Variants in FRMD4A observed in about 807,000 individuals in gnomAD.
The protein encoded by FRMD4A is FERM domain-containing protein 4A.
FRMD4A carries 29 observed loss-of-function variants against 129.1 expected under a neutral mutation model. The observed-to-expected ratio is 0.22, with a 90% CI of 0.17 to 0.31. FRMD4A has a LOEUF of 0.31. Among genes scored for constraint, FRMD4A ranks in the 10% least tolerant of loss-of-function variants. The probability of loss-of-function intolerance (pLI) is 1.00; values close to 1 mark genes in which losing one functional copy is unlikely to be tolerated. For synonymous variants in FRMD4A, 634 were observed against 571.6 expected, an observed-to-expected ratio of 1.11 and a Z score of -1.56; for missense variants, 1,272 against 1,375.8, an observed-to-expected ratio of 0.92 and a Z score of 1.19.
Position 13,835,419 on chromosome 10 carries a change from C to T in FRMD4A, c.111+23428G>A, listed in dbSNP as rs79900832. On this transcript the variant is annotated intron_variant, in intron 3 of 24. Transcript: ENST00000357447. ...TATATATTATTACTGGAATCTACAA[C>T]CCCCAGGGCCACGGACCAGTACAGG... Among the ~76,000 whole-genome samples, 520 of 152,254 alleles carry T rather than the reference C, an allele frequency of 3.4e-3. 4 individuals are homozygous for T. Among genetic ancestry groups the T allele is most frequent in the African/African-American group, 0.012 (491 of 41,532 alleles).
chr10:13,671,690 C>T (rs1483905091), intron 16 of FRMD4A, among the ~76,000 whole-genome samples: 2 of 152,158 alleles, frequency 1.3e-5, no homozygotes, highest in African/African-American at 4.8e-5. Flanking sequence ...TGTATCAGGG[C>T]TGAACAATGA....
At chr10:13,819,771 G>C (rs1417605121) in intron 3 of FRMD4A, among the ~76,000 whole-genome samples, 1 of 150,994 alleles carries the variant, frequency 6.6e-6, no homozygotes, top group Non-Finnish European at 1.5e-5. Context: ...TCTCAGGCTG[G>C]AGTGCAGTGG....
At chr10:14,181,472 G>A (rs892956238) in intron 2 of FRMD4A, among the ~76,000 whole-genome samples, 3 of 152,116 alleles carry the variant, frequency 2.0e-5, no homozygotes, top group African/African-American at 7.2e-5. Context: ...TCTTCCCGTC[G>A]TCACAGAGGG....
intron 2 of FRMD4A, among the ~76,000 whole-genome samples, chr10:14,182,644 C>G (rs1841951110): frequency 6.6e-6 from 1 of 152,102 alleles, no homozygotes; most frequent in Non-Finnish European, 1.5e-5. Context: ...CTCATGAACT[C>G]CTTGGTACAG....
At chr10:14,234,469 A>G (rs997381675) in intron 2 of FRMD4A, among the ~76,000 whole-genome samples, 2 of 152,292 alleles carry the variant, frequency 1.3e-5, no homozygotes, top group Non-Finnish European at 2.9e-5. Context: ...ATTAGGCACG[A>G]GGGAATTCTT....
intron 2 of FRMD4A, among the ~76,000 whole-genome samples, chr10:14,109,543 G>A (rs939020001): frequency 6.6e-6 from 1 of 152,208 alleles, no homozygotes; most frequent in Non-Finnish European, 1.5e-5. Context: ...ATATTCTCCT[G>A]CCGCAGAACA....
intron 3 of FRMD4A, among the ~76,000 whole-genome samples, chr10:13,823,876 A>G (rs2093663235): frequency 6.6e-6 from 1 of 152,184 alleles, no homozygotes; most frequent in Non-Finnish European, 1.5e-5. Flanking sequence ...CTGTCAACCA[A>G]GAACACAGGG....
intron 3 of FRMD4A, among the ~76,000 whole-genome samples, chr10:13,844,393 T>C (rs762500720): frequency 1.3e-5 from 2 of 152,182 alleles, no homozygotes; most frequent in Non-Finnish European, 2.9e-5. Flanking sequence ...TTTGGAGGAT[T>C]ATTACAGTTC....
chr10:13,722,827 C>T (rs2089550874), intron 12 of FRMD4A, among the ~76,000 whole-genome samples: 1 of 152,200 alleles, frequency 6.6e-6, no homozygotes, highest in Non-Finnish European at 1.5e-5. Context: ...GATCTCCATG[C>T]TGGTTAGCTA....
chr10:13,737,704 GA>G, intron 12 of FRMD4A, 139 bp downstream of exon 12: 1 of 593,678 alleles, frequency 1.7e-6, no homozygotes, highest in Non-Finnish European at 3.0e-6. Context: ...GATTGCTGTG[GA>G]GTAATTTGTA....
At chr10:13,806,309 A>G (rs1369789430) in intron 4 of FRMD4A, among the ~76,000 whole-genome samples, 1 of 152,238 alleles carries the variant, frequency 6.6e-6, no homozygotes, top group African/African-American at 2.4e-5. Flanking sequence ...GAAAAAAATG[A>G]AATTTGAGTC....
At chr10:13,686,243 G>C (rs1234847954) in intron 15 of FRMD4A, among the ~76,000 whole-genome samples, 3 of 152,256 alleles carry the variant, frequency 2.0e-5, no homozygotes, top group African/African-American at 7.2e-5. Flanking sequence ...CAGGAACAGA[G>C]ATACAGGGAG....
chr10:14,097,059 C>T (rs936603511), intron 2 of FRMD4A: 1 of 143,440 alleles, frequency 7.0e-6, no homozygotes, highest in African/African-American at 2.6e-5. Flanking sequence ...CGCTTGAACC[C>T]GGGAAGCAGA....
intron 15 of FRMD4A, among the ~76,000 whole-genome samples, chr10:13,681,054 A>G (rs2084535351): frequency 6.6e-6 from 1 of 152,172 alleles, no homozygotes; most frequent in Admixed American, 6.5e-5. Context: ...AGATTCCTCA[A>G]ACTGAATTCA....
chr10:14,190,493 G>C lies in FRMD4A; in HGVS notation c.45+139565C>G, dbSNP rs140729379. Among the ~76,000 whole-genome samples, 1,450 of 152,204 alleles carry C rather than the reference G, an allele frequency of 9.5e-3. 27 individuals are homozygous for C. The highest frequency in any genetic ancestry group is 0.032 in the African/African-American group (1,342 of 41,514). On this transcript the variant is annotated intron_variant, in intron 2 of 24. Transcript: ENST00000357447. ...CTCTAGCGATCCTGCCTCCCGAGTAGCTGAGACCACCTCTGCCTCCCAAGT... is the reference window on the plus strand; with the variant it reads ...CTCTAGCGATCCTGCCTCCCGAGTACCTGAGACCACCTCTGCCTCCCAAGT...
intron 2 of FRMD4A, among the ~76,000 whole-genome samples, chr10:13,919,957 AAACACACAAACAAACT>A (rs1181105468): frequency 6.6e-6 from 1 of 152,122 alleles, no homozygotes; most frequent in African/African-American, 2.4e-5. Flanking sequence ...ACAAACAAAC[AAACACACAAACAAACT>A]AACACAATTG....
intron 12 of FRMD4A, among the ~76,000 whole-genome samples, chr10:13,708,252 C>T (rs1475863050): frequency 6.6e-6 from 1 of 152,208 alleles, no homozygotes; most frequent in Non-Finnish European, 1.5e-5. Context: ...CCCTCTCTGA[C>T]CTGCTCATGT....
chr10:14,060,881 A>T (rs1834776222), intron 2 of FRMD4A, among the ~76,000 whole-genome samples: 2 of 152,226 alleles, frequency 1.3e-5, no homozygotes, highest in Non-Finnish European at 2.9e-5. Flanking sequence ...AATATAAAAA[A>T]ATTAAAATTC....
At chr10:13,942,802 G>A (rs1024967290) in intron 2 of FRMD4A, among the ~76,000 whole-genome samples, 10 of 151,816 alleles carry the variant, frequency 6.6e-5, no homozygotes, top group East Asian at 5.8e-4. Flanking sequence ...GCGTGGTGGC[G>A]CGCGTCTGTA....
Sources: allele counts gnomAD v4.1 joint callset (sites outside exome capture counted in the v4.1 genomes callset), GRCh38; gene constraint gnomAD v4.1.1; transcripts MANE v1.5; gene names NCBI Gene and HGNC (gene_info 2026-07-23, HGNC 2026-07-21).